Variants in ESRP1 observed in about 807,000 individuals in gnomAD.
ESRP1 encodes the protein RNA-binding motif protein 35A.
In ESRP1, 33 loss-of-function variants were observed where a neutral mutation model predicts 81.7. The ratio of observed to expected loss-of-function variants is 0.40; its 90% CI spans 0.31 to 0.54. ESRP1 has a LOEUF of 0.54. Among genes scored for constraint, ESRP1 ranks in the 20% least tolerant of loss-of-function variants. The pLI is 0.41. For missense variants in ESRP1, 672 were observed against 833.1 expected, an observed-to-expected ratio of 0.81 and a Z score of 2.38; for synonymous variants, 320 against 303.3, an observed-to-expected ratio of 1.06 and a Z score of -0.57.
chr8:94,706,063 T>A lies in ESRP1; in HGVS notation c.*174T>A. On this transcript the variant is annotated 3_prime_UTR_variant, in exon 16 of 16. Coordinates refer to ENST00000433389, the MANE Select transcript of ESRP1 (RefSeq NM_017697.4). ...ACAAACGGGCCTGTGCCTTATCTTT[T>A]GGTGGAGTGAAAAAATTTGAGCTAG... 1 of 1,084,126 alleles carries A rather than the reference T, an allele frequency of 9.2e-7. No individual in the cohort carries two copies. The highest frequency in any genetic ancestry group is 2.6e-5 in the East Asian group (1 of 37,866). 67.2% of individuals were successfully genotyped at this position (1,084,126 alleles called of 1,614,324 possible).
At chr8:94,665,231 T>C in intron 9 of ESRP1, 35 bp downstream of exon 9, 1 of 1,597,142 alleles carries the variant, frequency 6.3e-7, no homozygotes, top group Non-Finnish European at 8.5e-7. Flanking sequence ...CTTTAGTTAA[T>C]AAGAATCTAA....
chr8:94,669,601 C>T (rs1161420391), intron 10 of ESRP1, among the ~76,000 whole-genome samples: 1 of 152,096 alleles, frequency 6.6e-6, no homozygotes, highest in African/African-American at 2.4e-5. Flanking sequence ...CGCAGTGGCT[C>T]ACGCCTGTAA....
chr8:94,700,953 A>G (rs200413697), intron 15 of ESRP1, among the ~76,000 whole-genome samples: 4,773 of 137,374 alleles, frequency 0.035, 280 homozygotes, highest in African/African-American at 0.11. Context: ...GTGTGTGTGT[A>G]TGTGTGTGTG....
intron 4 of ESRP1, chr8:94,649,489 C>T (rs7387124): frequency 0.77 from 117,115 of 151,856 alleles, 46,543 homozygotes; most frequent in South Asian, 0.88. Context: ...TCTGCTATAC[C>T]TGTAATCTCA....
chr8:94,669,787 T>C lies in ESRP1; in HGVS notation c.1233+1537T>C, dbSNP rs1035814863. 3.4e-4 allele frequency among the ~76,000 whole-genome samples: 52 copies of C among 151,236 alleles called. 1 individual carries two copies. The highest frequency in any genetic ancestry group is 8.8e-5 in the Non-Finnish European group (6 of 67,926). ...CGGGAGGCTGAGGCAGGAGAATCGC[T>C]TGAACCCGGGAGGTGGAGATTGCAG... On this transcript the variant is annotated intron_variant, in intron 10 of 15. Transcript: ENST00000433389.
At chr8:94,655,318 G>A (rs1471121778) in intron 4 of ESRP1, among the ~76,000 whole-genome samples, 11 of 150,722 alleles carry the variant, frequency 7.3e-5, no homozygotes, top group Non-Finnish European at 1.5e-4. Flanking sequence ...AACTCCTGGT[G>A]TCAAGTGATC....
rs1438567879 is a variant in ESRP1, at chr8:94,662,535, C to T, written c.624C>T (p.Tyr208=). Residue 208 remains tyrosine (Y), a synonymous_variant, in exon 6 of 16, where the codon TAC becomes TAT. Transcript: ENST00000433389. ...HRFSDPERVN[Y]KFESGTCSKM... Reference sequence around the variant, plus strand: ...TTTCAGATCCAGAGAGAGTGAATTACAAGTTTGAAAGTGGAACTTGGTAAG... The same window carrying T: ...TTTCAGATCCAGAGAGAGTGAATTATAAGTTTGAAAGTGGAACTTGGTAAG... 10 of 1,608,516 alleles carry T rather than the reference C, an allele frequency of 6.2e-6. No homozygotes were observed. In the East Asian group the frequency reaches 2.2e-4, roughly 36 times the overall value.
chr8:94,706,239 C>A lies in ESRP1; in HGVS notation c.*350C>A. The A allele has an allele frequency of 5.8e-6, 2 of 343,772 alleles. No individual in the cohort carries two copies. The highest frequency in any genetic ancestry group is 1.1e-5 in the Non-Finnish European group (2 of 189,288). 21.3% of individuals were successfully genotyped at this position (343,772 alleles called of 1,614,324 possible). ...CATAGGTGTTTCCTAAGTTTTAAGT[C>A]TTGGATAAAAACTCCACCAGTGTCT... On this transcript the variant is annotated 3_prime_UTR_variant, in exon 16 of 16. Transcript: ENST00000433389.
At chr8:94,700,656 G>A (rs1228710618) in intron 15 of ESRP1, among the ~76,000 whole-genome samples, 1 of 152,250 alleles carries the variant, frequency 6.6e-6, no homozygotes, top group Non-Finnish European at 1.5e-5. Flanking sequence ...AGGGCCGGGT[G>A]TAGTGGCTCA....
At chr8:94,655,018 G>A (rs1818325324) in intron 4 of ESRP1, among the ~76,000 whole-genome samples, 1 of 151,626 alleles carries the variant, frequency 6.6e-6, no homozygotes, top group African/African-American at 2.4e-5. Context: ...ACAAAACTAG[G>A]GTTTTAAGTA....
chr8:94,668,794 T>TGTGTGTGA (rs1819154049), intron 10 of ESRP1, among the ~76,000 whole-genome samples: 1 of 151,174 alleles, frequency 6.6e-6, no homozygotes, highest in Non-Finnish European at 1.5e-5. Context: ...TCAGCATGTG[T>TGTGTGTGA]GTGTGTGTGT....
At chr8:94,661,773 A>G (rs1045521596) in intron 4 of ESRP1, among the ~76,000 whole-genome samples, 1 of 152,210 alleles carries the variant, frequency 6.6e-6, no homozygotes, top group African/African-American at 2.4e-5. Context: ...GTGTTCTATA[A>G]TAGAATTTCT....
At chr8:94,648,675 C>G (rs894481744) in intron 4 of ESRP1, among the ~76,000 whole-genome samples, 11 of 152,210 alleles carry the variant, frequency 7.2e-5, no homozygotes, top group Non-Finnish European at 1.5e-5. Flanking sequence ...GAGGAATTAC[C>G]TGTTTCACCT....
In ESRP1 at chr8:94,661,910, G is replaced by A. The variant is rs186963460; in HGVS notation, c.491-362G>A. On this transcript the variant is annotated intron_variant, in intron 4 of 15. Transcript: ENST00000433389. ...GATAATGTCACCATATCATGAAGTC[G>A]GCATGGTCATTGCCTTGTGTGTGCT... is the stretch of plus-strand genomic sequence containing the variant. 4.6e-5 allele frequency among the ~76,000 whole-genome samples: 7 copies of A among 152,154 alleles called. No homozygotes were observed. The East Asian group carries it at 7.7e-4, about 17-fold the overall frequency.
At chr8:94,653,628 G>A (rs1037735372) in intron 4 of ESRP1, among the ~76,000 whole-genome samples, 1 of 152,100 alleles carries the variant, frequency 6.6e-6, no homozygotes, top group East Asian at 1.9e-4. Flanking sequence ...TGAGACTAGA[G>A]GTAGACCTTT....
intron 10 of ESRP1, among the ~76,000 whole-genome samples, chr8:94,668,568 C>G (rs531596386): frequency 3.3e-5 from 5 of 152,294 alleles, no homozygotes; most frequent in African/African-American, 1.2e-4. Context: ...CATACTTTAT[C>G]TAGAAATTCC....
At chr8:94,657,156 C>T (rs905542225) in intron 4 of ESRP1, among the ~76,000 whole-genome samples, 1 of 152,116 alleles carries the variant, frequency 6.6e-6, no homozygotes, top group Admixed American at 6.6e-5. Context: ...AGTTTTGTTC[C>T]CACTGCCTCT....
At chr8:94,654,259 G>A (rs574618687) in intron 4 of ESRP1, among the ~76,000 whole-genome samples, 16 of 152,194 alleles carry the variant, frequency 1.1e-4, no homozygotes, top group African/African-American at 3.1e-4. Flanking sequence ...CGGAGGTTGC[G>A]GTGAGTCAAG....
At chr8:94,695,330 T>C (rs938075237) in intron 14 of ESRP1, among the ~76,000 whole-genome samples, 5 of 144,598 alleles carry the variant, frequency 3.5e-5, no homozygotes, top group African/African-American at 1.3e-4. Context: ...GTTGAGTAAA[T>C]AAAATTTCTT....
Sources: allele counts gnomAD v4.1 joint callset (sites outside exome capture counted in the v4.1 genomes callset), GRCh38; gene constraint gnomAD v4.1.1; transcripts MANE v1.5; gene names NCBI Gene and HGNC (gene_info 2026-07-23, HGNC 2026-07-21).